HSPG2: variants seen among roughly 807,000 people sequenced by gnomAD.
The protein encoded by HSPG2 is basement membrane-specific heparan sulfate proteoglycan core protein.
A neutral mutation model predicts 526.6 loss-of-function variants in HSPG2; 278 were observed. The observed-to-expected ratio is 0.53, with a 90% CI of 0.48 to 0.58. HSPG2 has a LOEUF of 0.58. Ranked by LOEUF, HSPG2 falls within the 20% of genes least tolerant of loss-of-function variation. HSPG2 has a pLI of 0.00. For synonymous variants in HSPG2, 2,465 were observed against 2,555.4 expected (o/e 0.96, Z 1.07); for missense variants, 5,354 against 6,099.5 (o/e 0.88, Z 4.07).
intron 33 of HSPG2, among the ~76,000 whole-genome samples, chr1:21,868,587 A>G (rs1420414252): frequency 1.3e-5 from 2 of 152,198 alleles, no homozygotes; most frequent in African/African-American, 4.8e-5. Context: ...CTAGGCCAGC[A>G]TCTAGACACA....
At position 21,872,317 on chromosome 1, in the gene HSPG2, T is replaced by A; in HGVS notation, c.4090A>T (p.Asn1364Tyr). 1 of 1,577,028 alleles carries A rather than the reference T, an allele frequency of 6.3e-7. No individual in the cohort carries two copies. Among genetic ancestry groups the A allele is most frequent in the Non-Finnish European group, 8.6e-7 (1 of 1,161,208 alleles). Reference sequence around the variant, plus strand: ...GTGAATTCTCCTGTCAGGCGGCTGTTTCGCTGTGGGTTCACCAGGGCAAAG... The same window carrying A: ...GTGAATTCTCCTGTCAGGCGGCTGTATCGCTGTGGGTTCACCAGGGCAAAG... ...QGFALVNPQR[N>Y]SRLTGEFTVE... Residue 1364 changes from asparagine (N) to tyrosine (Y), a missense_variant, in exon 33 of 97, where the codon AAC becomes TAC. Coordinates refer to ENST00000374695, the MANE Select transcript of HSPG2 (RefSeq NM_005529.7). The surrounding 1 kb of genome is among the most constrained non-coding windows in gnomAD (Gnocchi z 5.5).
Position 21,881,410 on chromosome 1 carries a change from C to T in HSPG2, c.1747G>A (p.Val583Ile), listed in dbSNP as rs1306815227. The T allele has an allele frequency of 5.0e-6, 8 of 1,613,998 alleles. No individual in the cohort carries two copies. Among genetic ancestry groups the T allele is most frequent in the Non-Finnish European group, 5.9e-6 (7 of 1,180,054 alleles). ...ACGAGGAAGCGGCGGGACAGGTCGA[C>T]TAGCTGGAACTCGTGCAGGGATGGG... ...IDPSLHEFQLVDLSRRFLVHD... is the reference protein window; with the variant it reads ...IDPSLHEFQLIDLSRRFLVHD... The change falls in exon 14 of 97, where the codon GTC (valine) becomes ATC (isoleucine). Residue 583 changes from valine (V) to isoleucine (I), a missense_variant. Val to Ile is a conservative substitution (Grantham distance 29, BLOSUM62 3). Coordinates refer to ENST00000374695, the MANE Select transcript of HSPG2 (RefSeq NM_005529.7).
At chr1:21,878,305 G>C in intron 20 of HSPG2, 52 bp from the exon 21 acceptor site, 1 of 1,599,114 alleles carries the variant, frequency 6.3e-7, no homozygotes. Context: ...GATATACGTG[G>C]TCCGGGCAGA....
At position 21,887,844 on chromosome 1, in the gene HSPG2, C is replaced by T. The variant is rs139627818; in HGVS notation, c.703+94G>A. The T allele has an allele frequency of 4.2e-4, 664 of 1,595,898 alleles. 3 individuals are homozygous for T. In the African/African-American group the frequency reaches 8.2e-3, roughly 20 times the overall value. On this transcript the variant is annotated intron_variant, in intron 7 of 96. Transcript: ENST00000374695. This position sits in a 1 kb window ranked among gnomAD's most constrained non-coding sequence, Gnocchi z 5.0. ...GCCCCCATCCTCTGCCTGCACCAAACCCTCATAGTCCTTGATGGGCTCCAA... is the reference window on the plus strand; with the variant it reads ...GCCCCCATCCTCTGCCTGCACCAAATCCTCATAGTCCTTGATGGGCTCCAA...
rs1429311963 is a variant in HSPG2 at position 21,824,854 on chromosome 1, C to T, written c.12590-75G>A. 1.5e-6 allele frequency: 2 copies of T among 1,330,398 alleles called. No homozygotes were observed. The highest frequency in any genetic ancestry group is 2.9e-5 in the African/African-American group (2 of 68,782). The allele number at this position is 1,330,398 out of a possible 1,614,324, so 82.4% of individuals were successfully genotyped here. ...ATCCCCCGTCAGTTCCCCTGACCCCCACCTCCACGCCAACATGCAGGACTA... is the reference window on the plus strand; with the variant it reads ...ATCCCCCGTCAGTTCCCCTGACCCCTACCTCCACGCCAACATGCAGGACTA... On this transcript the variant is annotated intron_variant, in intron 91 of 96. Coordinates refer to ENST00000374695, the MANE Select transcript of HSPG2 (RefSeq NM_005529.7). This position sits in a 1 kb window ranked among gnomAD's most constrained non-coding sequence, Gnocchi z 5.9.
At chr1:21,907,333 C>G (rs1364969324) in intron 1 of HSPG2, among the ~76,000 whole-genome samples, 3 of 152,164 alleles carry the variant, frequency 2.0e-5, no homozygotes, top group Non-Finnish European at 2.9e-5. Flanking sequence ...CGACTGAGAA[C>G]AGGGCTCCCA....
intron 44 of HSPG2, among the ~76,000 whole-genome samples, chr1:21,856,498 AC>A (rs1639349289): frequency 6.6e-6 from 1 of 151,018 alleles, no homozygotes; most frequent in African/African-American, 2.4e-5. Context: ...GCTCACTGCA[AC>A]CTAAGCCTCC....
In HSPG2 at chr1:21,824,721, G is replaced by A. The variant is rs938657534; in HGVS notation, c.12648C>T (p.Gly4216=). Residue 4216 remains glycine (G), a synonymous_variant, in exon 92 of 97, where the codon GGC becomes GGT. Transcript: ENST00000374695. This position sits in a 1 kb window ranked among gnomAD's most constrained non-coding sequence, Gnocchi z 5.9. ...FHDDGFLAFP[G]HVFSRSLPEV... is the part of the protein sequence containing the mutation. Reference sequence around the variant, plus strand: ...AGTCTCACCTCCTGGAGAAGACATGGCCAGGGAAGGCGAGGAAGCCATCAT... The same window carrying A: ...AGTCTCACCTCCTGGAGAAGACATGACCAGGGAAGGCGAGGAAGCCATCAT... 1 of 1,613,592 alleles carries A rather than the reference G, an allele frequency of 6.2e-7. No individual in the cohort carries two copies. The highest frequency in any genetic ancestry group is 8.5e-7 in the Non-Finnish European group (1 of 1,179,872).
Position 21,895,969 on chromosome 1 carries a change from A to T in HSPG2, c.200-3T>A. ...CAGGTCCCCACTGCCCAGGTCGTCTATAAGCAAAAAAGAGATGTAATCAGC... is the reference window on the plus strand; with the variant it reads ...CAGGTCCCCACTGCCCAGGTCGTCTTTAAGCAAAAAAGAGATGTAATCAGC... On this transcript the variant is annotated splice_polypyrimidine_tract_variant and splice_region_variant and intron_variant, in intron 2 of 96. Coordinates refer to ENST00000374695, the MANE Select transcript of HSPG2 (RefSeq NM_005529.7). The surrounding 1 kb of genome is among the most constrained non-coding windows in gnomAD (Gnocchi z 4.1). 6.2e-7 allele frequency: 1 copy of T among 1,614,084 alleles called. No individual in the cohort carries two copies. The highest frequency in any genetic ancestry group is 8.5e-7 in the Non-Finnish European group (1 of 1,179,950).
intron 1 of HSPG2, among the ~76,000 whole-genome samples, chr1:21,918,597 CCCA>C (rs1183384193): frequency 4.6e-5 from 7 of 152,054 alleles, no homozygotes; most frequent in African/African-American, 1.7e-4. Context: ...TCCCAACAGC[CCCA>C]CAAGATCGGT....
chr1:21,864,287 C>T lies in HSPG2; in HGVS notation c.4627-74G>A, dbSNP rs1640051514. 20 of 1,165,896 alleles carry T rather than the reference C, an allele frequency of 1.7e-5. 2 individuals carry two copies. Among genetic ancestry groups the T allele is most frequent in the Middle Eastern group, 2.6e-4 (1 of 3,802 alleles). The allele number at this position is 1,165,896 out of a possible 1,614,324, so 72.2% of individuals were successfully genotyped here. A position where few individuals can be genotyped will look rare whatever the true frequency, so the allele number is the denominator to read the frequency against. ...ACAGCCAGCAGACCCAGAACCCCTCCCTCCAGTGTCCTCCCAGGGGTGACC... is the reference window on the plus strand; with the variant it reads ...ACAGCCAGCAGACCCAGAACCCCTCTCTCCAGTGTCCTCCCAGGGGTGACC... On this transcript the variant is annotated intron_variant, in intron 36 of 96. Coordinates refer to ENST00000374695, the MANE Select transcript of HSPG2 (RefSeq NM_005529.7). This position sits in a 1 kb window ranked among gnomAD's most constrained non-coding sequence, Gnocchi z 4.8.
intron 28 of HSPG2, 89 bp from the exon 29 acceptor site, chr1:21,874,100 G>A (rs925416596): frequency 1.4e-5 from 17 of 1,189,138 alleles, no homozygotes; most frequent in Middle Eastern, 1.9e-4. Flanking sequence ...GAGGGGAGGG[G>A]AAGAACAGGC....
intron 13 of HSPG2, 122 bp downstream of exon 13, chr1:21,884,406 T>C: frequency 7.4e-7 from 1 of 1,344,806 alleles, no homozygotes; most frequent in Non-Finnish European, 1.1e-6. Flanking sequence ...CAGTGTTTCT[T>C]CAGCGACTCA....
At position 21,874,574 on chromosome 1, in the gene HSPG2, G is replaced by A. The variant is rs750598866; in HGVS notation, c.3529-41C>T. 2.5e-6 allele frequency: 4 copies of A among 1,613,816 alleles called. No homozygotes were observed. The African/African-American group carries it at 5.3e-5, about 22-fold the overall frequency. On this transcript the variant is annotated intron_variant, in intron 27 of 96. Coordinates refer to ENST00000374695, the MANE Select transcript of HSPG2 (RefSeq NM_005529.7). ...GTGAGTTGAGGCTGGGCCTCCAGAGGCCACAGATTGCTGGGGTGGGCGGAA... is the reference window on the plus strand; with the variant it reads ...GTGAGTTGAGGCTGGGCCTCCAGAGACCACAGATTGCTGGGGTGGGCGGAA...
chr1:21,853,170 G>C, intron 50 of HSPG2, 100 bp from the exon 51 acceptor site: 1 of 1,526,900 alleles, frequency 6.5e-7, no homozygotes, highest in Non-Finnish European at 8.9e-7. Flanking sequence ...TAGTGGGGAC[G>C]GCCGACAGGT....
chr1:21,927,523 G>A (rs1043763651), intron 1 of HSPG2, among the ~76,000 whole-genome samples: 4 of 35,224 alleles, frequency 1.1e-4, no homozygotes, highest in Admixed American at 4.8e-4. Context: ...GGGGTCCCAG[G>A]ACATCCCCCA....
chr1:21,874,505 C>T lies in HSPG2; in HGVS notation c.3557G>A (p.Arg1186Gln), dbSNP rs2229481. The change falls in exon 28 of 97, where the codon CGG becomes CAG. Residue 1186 changes from arginine (R) to glutamine (Q), a missense_variant. Arg to Gln is a conservative substitution (Grantham distance 43, BLOSUM62 1). Coordinates refer to ENST00000374695, the MANE Select transcript of HSPG2 (RefSeq NM_005529.7). Reference sequence around the variant, plus strand: ...GTATCCTGGCTGGCACTGCTCACACCGAGGGCCCTCCGTGTGATGCTGGCA... The same window carrying T: ...GTATCCTGGCTGGCACTGCTCACACTGAGGGCCCTCCGTGTGATGCTGGCA... ...QGCQHHTEGP[R>Q]CEQCQPGYYG... The T allele has an allele frequency of 0.037, 59,202 of 1,613,214 alleles. 2,049 individuals are homozygous for T. The highest frequency in any genetic ancestry group is 0.18 in the African/African-American group (13,707 of 74,960).
chr1:21,925,328 A>C (rs1054209885), intron 1 of HSPG2, among the ~76,000 whole-genome samples: 1 of 152,186 alleles, frequency 6.6e-6, no homozygotes, highest in Non-Finnish European at 1.5e-5. Flanking sequence ...TGTTGAAACA[A>C]CACAACGCGG....
intron 91 of HSPG2, 32 bp downstream of exon 91, chr1:21,827,831 A>G (rs541457816): frequency 1.3e-6 from 2 of 1,563,834 alleles, no homozygotes; most frequent in African/African-American, 2.7e-5. Flanking sequence ...AGCTGAGCTG[A>G]AGCTGGGGAG....
Sources: allele counts gnomAD v4.1 joint callset (sites outside exome capture counted in the v4.1 genomes callset), GRCh38; gene constraint gnomAD v4.1.1; non-coding constraint Gnocchi (gnomAD v3.1); transcripts MANE v1.5; gene names NCBI Gene and HGNC (gene_info 2026-07-23, HGNC 2026-07-21).